VAV2: variants seen among roughly 807,000 people sequenced by gnomAD.
The protein encoded by VAV2 is guanine nucleotide exchange factor VAV2.
A neutral mutation model predicts 132.5 loss-of-function variants in VAV2; 67 were observed. The ratio of observed to expected loss-of-function variants is 0.51; its 90% CI spans 0.42 to 0.62. VAV2 has a LOEUF of 0.62. Ranked by LOEUF, VAV2 falls within the 20% of genes least tolerant of loss-of-function variation. VAV2 has a pLI of 0.00. For synonymous variants in VAV2, 492 were observed against 443.5 expected, an observed-to-expected ratio of 1.11 and a Z score of -1.37; for missense variants, 938 against 1,153.6, an observed-to-expected ratio of 0.81 and a Z score of 2.71.
intron 2 of VAV2, among the ~76,000 whole-genome samples, chr9:133,892,435 A>C (rs1363483796): frequency 6.6e-6 from 1 of 151,778 alleles, no homozygotes; most frequent in Non-Finnish European, 1.5e-5. Context: ...TCATTAGAGC[A>C]CCCTTACCAG....
intron 1 of VAV2, among the ~76,000 whole-genome samples, chr9:133,949,594 A>G (rs1818448992): frequency 6.6e-6 from 1 of 152,034 alleles, no homozygotes; most frequent in South Asian, 2.1e-4. Context: ...CCTGCTCACC[A>G]CACTCCAGGC....
At chr9:133,988,223 G>A (rs1842915254) in intron 1 of VAV2, among the ~76,000 whole-genome samples, 1 of 151,962 alleles carries the variant, frequency 6.6e-6, no homozygotes, top group Non-Finnish European at 1.5e-5. Context: ...GGGATCACAG[G>A]CACCCACCCC....
rs1840466784 is a variant in VAV2 at position 133,926,005 on chromosome 9, A to ACC, written c.321+13097_321+13098insGG. 1.6e-5 allele frequency: 1 copy of ACC among 64,296 alleles called. No homozygotes were observed. The highest frequency in any genetic ancestry group is 3.2e-5 in the Non-Finnish European group (1 of 31,336). The allele number at this position is 64,296 out of a possible 1,614,324, so 4.0% of individuals were successfully genotyped here. A position where few individuals can be genotyped will look rare whatever the true frequency, so the allele number is the denominator to read the frequency against. Reference sequence around the variant, plus strand: ...AATTAACTGTGGACATGGACCAAAAAAAAAAAAAAAAAAAAAAAAAAAAGC... The same window carrying ACC: ...AATTAACTGTGGACATGGACCAAAAACCAAAAAAAAAAAAAAAAAAAAAAAGC... On this transcript the variant is annotated intron_variant, in intron 2 of 29. Transcript: ENST00000371850. This position sits in a 1 kb window ranked among gnomAD's most constrained non-coding sequence, Gnocchi z 4.3.
rs768126514 is a variant in VAV2 at position 133,789,365 on chromosome 9, G to A, written c.1189-22C>T. On this transcript the variant is annotated intron_variant, in intron 13 of 29. Coordinates refer to ENST00000371850, the MANE Select transcript of VAV2 (RefSeq NM_001134398.2). The stretch of plus-strand genomic sequence containing the variant: ...CTTGCTGGGAAGAAGGAGAGGGGCC[G>A]TCAGCCGGGGCTGGAGCAGCCCCAG... The A allele has an allele frequency of 5.1e-5, 83 of 1,612,600 alleles. 1 individual carries two copies. The Admixed American group carries it at 9.7e-4, about 19-fold the overall frequency.
intron 4 of VAV2, among the ~76,000 whole-genome samples, chr9:133,815,646 A>AAGCCCCAGACC (rs1835527804): frequency 6.6e-6 from 1 of 152,178 alleles, no homozygotes; most frequent in Non-Finnish European, 1.5e-5. Context: ...ATTCCTGTTT[A>AAGCCCCAGACC]CTGCTGAGTA....
intron 3 of VAV2, among the ~76,000 whole-genome samples, chr9:133,838,754 G>C (rs1462883676): frequency 6.7e-6 from 1 of 149,004 alleles, no homozygotes; most frequent in African/African-American, 2.5e-5. Context: ...TGGATGAATG[G>C]ATGGGTGGAT....
intron 1 of VAV2, among the ~76,000 whole-genome samples, chr9:133,971,840 T>A (rs1479686778): frequency 6.6e-6 from 1 of 152,078 alleles, no homozygotes; most frequent in East Asian, 1.9e-4. Context: ...AAAGGGCAAC[T>A]CCTGGTCCAA....
In VAV2 at chr9:133,768,421, C is replaced by T; in HGVS notation, c.2589+21G>A. 6.2e-7 allele frequency: 1 copy of T among 1,609,772 alleles called. No homozygotes were observed. The highest frequency in any genetic ancestry group is 8.5e-7 in the Non-Finnish European group (1 of 1,179,144). ...GGCTGCAGCGAGGCCAGCCCCACAC[C>T]CTCAGGGTGGGGCCACTCACCCGTC... On this transcript the variant is annotated intron_variant, in intron 29 of 29. Transcript: ENST00000371850. This position sits in a 1 kb window ranked among gnomAD's most constrained non-coding sequence, Gnocchi z 5.3.
At position 133,893,373 on chromosome 9, in the gene VAV2, C is replaced by T. The variant is rs150687740; in HGVS notation, c.322-31941G>A. On this transcript the variant is annotated intron_variant, in intron 2 of 29. Coordinates refer to ENST00000371850, the MANE Select transcript of VAV2 (RefSeq NM_001134398.2). ...GAAGGCGGCGGCAACAGCAGCTGGGCCTCAGCTGGTCCTCGGTCCCACAGT... is the reference window on the plus strand; with the variant it reads ...GAAGGCGGCGGCAACAGCAGCTGGGTCTCAGCTGGTCCTCGGTCCCACAGT... 2.9e-3 allele frequency among the ~76,000 whole-genome samples: 435 copies of T among 152,284 alleles called. 1 individual carries two copies. Among genetic ancestry groups the T allele is most frequent in the African/African-American group, 9.9e-3 (410 of 41,554 alleles).
intron 3 of VAV2, among the ~76,000 whole-genome samples, chr9:133,851,346 T>C (rs1010902112): frequency 4.6e-5 from 7 of 152,246 alleles, no homozygotes; most frequent in Non-Finnish European, 8.8e-5. Flanking sequence ...GGACCCACTG[T>C]GTGCCAGGCA....
intron 1 of VAV2, among the ~76,000 whole-genome samples, chr9:133,950,751 C>G (rs1314150179): frequency 6.6e-6 from 1 of 152,178 alleles, no homozygotes; most frequent in East Asian, 1.9e-4. Context: ...GGACCTCAGC[C>G]CCTCCTCTCT....
intron 2 of VAV2, among the ~76,000 whole-genome samples, chr9:133,882,349 C>T (rs1055781538): frequency 3.3e-5 from 5 of 152,262 alleles, no homozygotes; most frequent in Non-Finnish European, 5.9e-5. Flanking sequence ...CCCGAACATG[C>T]TGCCGTCACA....
chr9:133,887,043 A>G (rs1020107807), intron 2 of VAV2, among the ~76,000 whole-genome samples: 1 of 150,234 alleles, frequency 6.7e-6, no homozygotes, highest in Non-Finnish European at 1.5e-5. Flanking sequence ...CTCCCTCAGC[A>G]GTGGTGGTTC....
At chr9:133,868,056 C>G (rs1837876909) in intron 2 of VAV2, among the ~76,000 whole-genome samples, 1 of 152,254 alleles carries the variant, frequency 6.6e-6, no homozygotes, top group Admixed American at 6.5e-5. Context: ...GTGAGAGAGC[C>G]ACTGGCTTCT....
chr9:133,830,032 T>C (rs1380597180), intron 4 of VAV2, among the ~76,000 whole-genome samples: 1 of 152,140 alleles, frequency 6.6e-6, no homozygotes, highest in East Asian at 1.9e-4. Context: ...GATGATCGTG[T>C]GAATGAATGA....
chr9:133,922,552 G>A (rs566066870), intron 2 of VAV2, among the ~76,000 whole-genome samples: 9 of 152,322 alleles, frequency 5.9e-5, no homozygotes, highest in African/African-American at 2.2e-4. Context: ...CCTCAGGTAC[G>A]TGGCTGAGTG....
Position 133,834,424 on chromosome 9 carries a change from C to T in VAV2, c.381-84G>A. On this transcript the variant is annotated intron_variant, in intron 3 of 29. Coordinates refer to ENST00000371850, the MANE Select transcript of VAV2 (RefSeq NM_001134398.2). This position sits in a 1 kb window ranked among gnomAD's most constrained non-coding sequence, Gnocchi z 5.9. Reference sequence around the variant, plus strand: ...CCCCAGCTGGACCCCACAGCAGAGCCCAGTGTGGCCCAGCCAGGAGCAAAG... The same window carrying T: ...CCCCAGCTGGACCCCACAGCAGAGCTCAGTGTGGCCCAGCCAGGAGCAAAG... 7.2e-7 allele frequency: 1 copy of T among 1,390,130 alleles called. No individual in the cohort carries two copies. Among genetic ancestry groups the T allele is most frequent in the Non-Finnish European group, 9.9e-7 (1 of 1,005,114 alleles). 86.1% of individuals were successfully genotyped at this position (1,390,130 alleles called of 1,614,324 possible).
chr9:133,929,561 G>A (rs947407079), intron 2 of VAV2, among the ~76,000 whole-genome samples: 2 of 152,124 alleles, frequency 1.3e-5, no homozygotes, highest in African/African-American at 4.8e-5. Context: ...GGCAGAAGAG[G>A]AGAGGAATAG....
At chr9:133,779,008 C>A in intron 21 of VAV2, 119 bp from the exon 22 acceptor site, 1 of 1,307,590 alleles carries the variant, frequency 7.6e-7, no homozygotes, top group Non-Finnish European at 1.0e-6. Context: ...CACAGCCTTG[C>A]GCCTGCATCT....
Sources: gnomAD v4.1 joint callset for allele counts (sites outside exome capture counted in the v4.1 genomes callset) on GRCh38, gnomAD v4.1.1 for gene constraint, Gnocchi (gnomAD v3.1) non-coding constraint, MANE v1.5 for transcripts, NCBI Gene and HGNC (gene_info 2026-07-23, HGNC 2026-07-21) for gene names.